The following CDC40 variants were observed in gnomAD, a reference collection of about 807,000 sequenced individuals.
The protein encoded by CDC40 is pre-mRNA-processing factor 17.
In CDC40, 27 loss-of-function variants were observed where a neutral mutation model predicts 80.6. That is an observed-to-expected ratio of 0.33 (90% confidence interval 0.25 to 0.46). The LOEUF is 0.46. Ranked by LOEUF, CDC40 falls within the 20% of genes least tolerant of loss-of-function variation. CDC40 has a pLI of 1.00. For missense variants in CDC40, 486 were observed against 694.1 expected, an observed-to-expected ratio of 0.70 and a Z score of 3.37; for synonymous variants, 221 against 232.6, an observed-to-expected ratio of 0.95 and a Z score of 0.45.
chr6:110,220,667 G>C (rs979037922), intron 12 of CDC40, among the ~76,000 whole-genome samples: 21 of 152,020 alleles, frequency 1.4e-4, no homozygotes, highest in South Asian at 2.1e-4. Flanking sequence ...GGATGGTCTC[G>C]ATTTCCTGAC....
chr6:110,185,233 C>CTT (rs796936243), intron 1 of CDC40, among the ~76,000 whole-genome samples: 1 of 141,858 alleles, frequency 7.0e-6, no homozygotes, highest in African/African-American at 2.7e-5. Context: ...TTTTCTTCAT[C>CTT]TTTTTTTCTT....
chr6:110,217,897 T>C, intron 10 of CDC40, 94 bp downstream of exon 10: 2 of 635,396 alleles, frequency 3.1e-6, no homozygotes, highest in Non-Finnish European at 5.7e-6. Context: ...TGGCACCTTC[T>C]CTAACTGCTG....
chr6:110,190,687 T>C (rs1218313315), intron 1 of CDC40, among the ~76,000 whole-genome samples: 1 of 152,002 alleles, frequency 6.6e-6, no homozygotes, highest in African/African-American at 2.4e-5. Context: ...CTGGTTGTAG[T>C]AGGACACCTG....
At chr6:110,188,974 TA>T (rs559068715) in intron 1 of CDC40, among the ~76,000 whole-genome samples, 5 of 152,350 alleles carry the variant, frequency 3.3e-5, no homozygotes, top group Admixed American at 1.3e-4. Context: ...GAGAAACTCA[TA>T]AGGATTTTAT....
At chr6:110,200,499 T>A (rs552100993) in intron 2 of CDC40, among the ~76,000 whole-genome samples, 155 of 152,212 alleles carry the variant, frequency 1.0e-3, no homozygotes, top group Non-Finnish European at 2.0e-3. Context: ...GGGAAGCTCA[T>A]TTGATTCTTT....
intron 6 of CDC40, 102 bp from the exon 7 acceptor site, chr6:110,212,031 A>G (rs1463527118): frequency 2.1e-6 from 2 of 959,146 alleles, no homozygotes; most frequent in African/African-American, 1.6e-5. Context: ...AAACCTTAAT[A>G]TGGAATGATA....
chr6:110,207,314 C>CAAA (rs869177206), intron 3 of CDC40, among the ~76,000 whole-genome samples, 192 bp from the exon 4 acceptor site: 10 of 52,480 alleles, frequency 1.9e-4, no homozygotes, highest in East Asian at 6.3e-4. Context: ...GACCCTATCT[C>CAAA]AAAAAAAAAA....
At chr6:110,209,313 A>C in intron 5 of CDC40, 90 bp downstream of exon 5, 1 of 1,196,268 alleles carries the variant, frequency 8.4e-7, no homozygotes, top group Non-Finnish European at 1.2e-6. Flanking sequence ...ATTTCTTTAG[A>C]GAACCAAATG....
chr6:110,219,986 C>A, intron 12 of CDC40, 117 bp downstream of exon 12: 1 of 1,026,012 alleles, frequency 9.7e-7, no homozygotes. Flanking sequence ...AACTGTGATC[C>A]TGGCTTGCCA....
intron 4 of CDC40, 124 bp downstream of exon 4, chr6:110,207,713 A>T: frequency 1.6e-6 from 1 of 609,574 alleles, no homozygotes; most frequent in Non-Finnish European, 3.0e-6. Flanking sequence ...AGTTGAAACA[A>T]TGGAGCGATA....
chr6:110,224,855 A>G (rs1206403836), intron 12 of CDC40, among the ~76,000 whole-genome samples: 2 of 152,246 alleles, frequency 1.3e-5, no homozygotes, highest in Admixed American at 1.3e-4. Flanking sequence ...ACATTGATCA[A>G]TATGAACCTG....
At chr6:110,209,284 C>T (rs751841323) in intron 5 of CDC40, 61 bp downstream of exon 5, 12 of 1,439,260 alleles carry the variant, frequency 8.3e-6, no homozygotes. Flanking sequence ...TGAAGGATAT[C>T]TACATTAATA....
chr6:110,199,133 A>G (rs1048774269), intron 2 of CDC40: 1 of 152,186 alleles, frequency 6.6e-6, no homozygotes. Flanking sequence ...AATCTGTGTG[A>G]GACATAGGCA....
In CDC40 at chr6:110,227,686, TAAC is replaced by T. The variant is rs564713997; in HGVS notation, c.1418-1143_1418-1141del. On this transcript the variant is annotated intron_variant, in intron 13 of 14. Transcript: ENST00000307731. ...ATTCAACAAAATAAACAATAAAAAA[TAAC>T]AATACAACAATTAAAAACAACACAG... is the stretch of plus-strand genomic sequence containing the variant. Among the ~76,000 whole-genome samples, 203 of 152,136 alleles carry T rather than the reference TAAC, an allele frequency of 1.3e-3. 1 individual carries two copies. The highest frequency in any genetic ancestry group is 4.8e-3 in the African/African-American group (199 of 41,462).
In CDC40 at chr6:110,231,537, C is replaced by CT. The variant is rs969239463; in HGVS notation, c.*1407dup. On this transcript the variant is annotated 3_prime_UTR_variant, in exon 15 of 15. Coordinates refer to ENST00000307731, the MANE Select transcript of CDC40 (RefSeq NM_015891.3). ...CAAGATAACCTCTTGAATGTAATAG[C>CT]TCATAGCACTTTAATTTGGCAAGCC... 3 of 152,208 alleles carry CT rather than the reference C, an allele frequency of 2.0e-5. No individual in the cohort carries two copies. The highest frequency in any genetic ancestry group is 2.9e-5 in the Non-Finnish European group (2 of 68,040). 9.4% of individuals were successfully genotyped at this position (152,208 alleles called of 1,614,324 possible). A position where few individuals can be genotyped will look rare whatever the true frequency, so the allele number is the denominator to read the frequency against.
intron 8 of CDC40, 32 bp downstream of exon 8, chr6:110,213,192 C>T (rs766771135): frequency 3.1e-6 from 4 of 1,293,360 alleles, no homozygotes; most frequent in Non-Finnish European, 4.5e-6. Flanking sequence ...AGGAGTGCTG[C>T]AAAGCTAGTT....
intron 1 of CDC40, among the ~76,000 whole-genome samples, chr6:110,188,299 C>T (rs766165867): frequency 2.2e-4 from 33 of 152,204 alleles, no homozygotes; most frequent in Admixed American, 6.5e-4. Flanking sequence ...TTATTTTAAG[C>T]AGTTTGTCAC....
intron 5 of CDC40, among the ~76,000 whole-genome samples, chr6:110,210,004 T>C (rs1307910609): frequency 6.6e-6 from 1 of 152,192 alleles, no homozygotes; most frequent in Non-Finnish European, 1.5e-5. Flanking sequence ...CTATCACTTA[T>C]ATCCTTAGGA....
At chr6:110,196,877 A>T (rs1354557921) in intron 2 of CDC40, among the ~76,000 whole-genome samples, 1 of 152,156 alleles carries the variant, frequency 6.6e-6, no homozygotes, top group African/African-American at 2.4e-5. Flanking sequence ...TTTGTTTATA[A>T]ATCTTTTAAA....
Sources: allele counts gnomAD v4.1 joint callset (sites outside exome capture counted in the v4.1 genomes callset), GRCh38; gene constraint gnomAD v4.1.1; transcripts MANE v1.5; gene names NCBI Gene and HGNC (gene_info 2026-07-23, HGNC 2026-07-21).